Variants in RTEL1 observed in about 807,000 individuals in gnomAD.
RTEL1 encodes regulator of telomere length.
In RTEL1, 86 loss-of-function variants were observed where a neutral mutation model predicts 162.2. The observed-to-expected ratio is 0.53, with a 90% CI of 0.45 to 0.63. RTEL1 has a LOEUF of 0.63. Ranked by LOEUF, RTEL1 falls within the 30% of genes least tolerant of loss-of-function variation. RTEL1 has a pLI of 0.00. For synonymous variants in RTEL1, 958 were observed against 717.9 expected, an observed-to-expected ratio of 1.33 and a Z score of -5.35; for missense variants, 1,941 against 1,750.2, an observed-to-expected ratio of 1.11 and a Z score of -1.95.
chr20:63,669,027 A>C (rs1362568339), intron 8 of RTEL1, among the ~76,000 whole-genome samples: 2 of 151,892 alleles, frequency 1.3e-5, no homozygotes, highest in African/African-American at 4.8e-5. Flanking sequence ...TCTGTCACCC[A>C]GGTTGGAGTG....
In RTEL1 at chr20:63,695,802, C is replaced by T. The variant is rs1555814886; in HGVS notation, c.3847C>T (p.His1283Tyr). ...GGCCTCTAGGATGTGCCCAGCCTGC[C>T]ACACCGCCTCCAGGAAGCAGAGCGT... ...LQASRMCPACHTASRKQSVMQ... is the reference protein window; with the variant it reads ...LQASRMCPACYTASRKQSVMQ... The change falls in exon 35 of 35, where the codon CAC (histidine) becomes TAC (tyrosine). Residue 1283 changes from histidine to tyrosine, a missense_variant. His to Tyr is a moderately conservative substitution (Grantham distance 83). Transcript: ENST00000360203. The T allele has an allele frequency of 6.3e-7, 1 of 1,599,136 alleles. No individual in the cohort carries two copies. Among genetic ancestry groups the T allele is most frequent in the Middle Eastern group, 1.8e-4 (1 of 5,530 alleles).
At position 63,690,900 on chromosome 20, in the gene RTEL1, G is replaced by T; in HGVS notation, c.2509G>T (p.Ala837Ser). The T allele has an allele frequency of 2.5e-6, 4 of 1,581,206 alleles. No individual in the cohort carries two copies. Among genetic ancestry groups the T allele is most frequent in the Non-Finnish European group, 2.6e-6 (3 of 1,164,326 alleles). Residue 837 changes from alanine (A) to serine (S), a missense_variant, in exon 27 of 35, where the codon GCC becomes TCC. Ala to Ser is a moderately conservative substitution (Grantham distance 99). Coordinates refer to ENST00000360203, the MANE Select transcript of RTEL1 (RefSeq NM_001283009.2). ...GCAGAGGCCCAGGGGGCTGCTGGCC[G>T]CCCTGGAGCACAGCGAACAGCGGGC... Reference protein sequence around the residue: ...ARQRPRGLLAALEHSEQRAGS... With the variant: ...ARQRPRGLLASLEHSEQRAGS...
At chr20:63,693,345 C>T (rs1222786582) in intron 30 of RTEL1, 62 bp downstream of exon 30, 5 of 1,592,694 alleles carry the variant, frequency 3.1e-6, no homozygotes, top group Middle Eastern at 1.8e-4. Context: ...GGGCCAGAGT[C>T]CTGGGCTGCT....
At chr20:63,680,455 C>T (rs1180524769) in intron 13 of RTEL1, among the ~76,000 whole-genome samples, 7 of 152,236 alleles carry the variant, frequency 4.6e-5, no homozygotes, top group Non-Finnish European at 1.0e-4. Flanking sequence ...CTTGGAGACT[C>T]TGTCCCTGCC....
At chr20:63,672,985 A>G (rs2090276416) in intron 9 of RTEL1, among the ~76,000 whole-genome samples, 1 of 152,228 alleles carries the variant, frequency 6.6e-6, no homozygotes, top group African/African-American at 2.4e-5. Context: ...TTCCGGCCAC[A>G]TGGCTTGAGA....
At chr20:63,695,006 G>A in intron 32 of RTEL1, 32 bp downstream of exon 32, 1 of 1,610,686 alleles carries the variant, frequency 6.2e-7, no homozygotes, top group Non-Finnish European at 8.5e-7. Flanking sequence ...AACAGCCGGT[G>A]GGGTGGGGGG....
chr20:63,682,956 A>G (rs1029623635), intron 14 of RTEL1, among the ~76,000 whole-genome samples: 2 of 152,000 alleles, frequency 1.3e-5, no homozygotes, highest in African/African-American at 4.8e-5. Flanking sequence ...GCTGAGGCAC[A>G]GGGGGATTTG....
At chr20:63,680,604 G>A in intron 13 of RTEL1, 60 bp from the exon 14 acceptor site, 1 of 1,581,046 alleles carries the variant, frequency 6.3e-7, no homozygotes, top group South Asian at 1.1e-5. Context: ...GAAGGGCCGG[G>A]GCTGGGGTCG....
intron 31 of RTEL1, 116 bp from the exon 32 acceptor site, chr20:63,694,625 C>G (rs1010099297): frequency 2.0e-5 from 24 of 1,219,336 alleles, no homozygotes; most frequent in Non-Finnish European, 2.7e-5. Flanking sequence ...CGGTTCTGCA[C>G]CCCGCAGTTG....
chr20:63,690,437 C>G lies in RTEL1; in HGVS notation c.2409C>G (p.Ser803=), dbSNP rs764351692. The G allele has an allele frequency of 4.4e-6, 7 of 1,582,902 alleles. No individual in the cohort carries two copies. Among genetic ancestry groups the G allele is most frequent in the Admixed American group, 1.7e-5 (1 of 57,166 alleles). The change falls in exon 26 of 35, where the codon TCC becomes TCG. Residue 803 remains serine (S), a synonymous_variant. Coordinates refer to ENST00000360203, the MANE Select transcript of RTEL1 (RefSeq NM_001283009.2). The part of the protein sequence containing the change: ...DLHVPSLKQR[S]SGSPAAGDPE... ...ATGTCCCCAGCCTGAAGCAGAGGTC[C>G]TCAGGTGCGGACGGGCAGCGCTGGG...
chr20:63,662,905 T>C lies in RTEL1; in HGVS notation c.538+16T>C. 1 of 1,613,200 alleles carries C rather than the reference T, an allele frequency of 6.2e-7. No individual in the cohort carries two copies. On this transcript the variant is annotated intron_variant, in intron 6 of 34. Transcript: ENST00000360203. Reference sequence around the variant, plus strand: ...AACGTAGAAGGTACAAGCAGCTGGGTGGGACCAGGGTCGGGTTGGAGTGTG... The same window carrying C: ...AACGTAGAAGGTACAAGCAGCTGGGCGGGACCAGGGTCGGGTTGGAGTGTG...
At chr20:63,679,070 C>T (rs1370927713) in intron 12 of RTEL1, among the ~76,000 whole-genome samples, 2 of 152,178 alleles carry the variant, frequency 1.3e-5, no homozygotes, top group African/African-American at 2.4e-5. Context: ...CCAGCCACCA[C>T]CTCTTTTGGA....
At chr20:63,694,210 C>T (rs1433874559) in intron 30 of RTEL1, 162 bp from the exon 31 acceptor site, 1 of 650,874 alleles carries the variant, frequency 1.5e-6, no homozygotes, top group African/African-American at 1.8e-5. Context: ...AGGCTGGTGT[C>T]TCCTCTGATG....
intron 28 of RTEL1, chr20:63,692,253 C>T (rs190800731): frequency 2.8e-4 from 62 of 223,588 alleles, no homozygotes; most frequent in Admixed American, 1.4e-3. Flanking sequence ...TGTCCCTTGG[C>T]TTCTGGGAAG....
chr20:63,685,476 G>A (rs770883322), intron 14 of RTEL1, 47 bp from the exon 15 acceptor site: 10 of 1,587,764 alleles, frequency 6.3e-6, no homozygotes, highest in South Asian at 2.3e-5. Context: ...GCAGAAAGTC[G>A]GGTGGCCTCA....
intron 8 of RTEL1, among the ~76,000 whole-genome samples, chr20:63,671,422 G>A (rs1217635229): frequency 6.6e-6 from 1 of 152,110 alleles, no homozygotes. Flanking sequence ...GGTGGGGCTG[G>A]TGGTTATATG....
Position 63,672,565 on chromosome 20 carries a change from G to C in RTEL1, c.709G>C (p.Ala237Pro). 6.3e-7 allele frequency: 1 copy of C among 1,582,148 alleles called. No homozygotes were observed. The highest frequency in any genetic ancestry group is 8.6e-7 in the Non-Finnish European group (1 of 1,161,922). ...NYLLDAKSRR[A>P]HNIDLKGTVV... Reference sequence around the variant, plus strand: ...TCTCTTCCTCCTGTAGAGCCGCAGAGCACACAACATTGACCTGAAGGGGAC... The same window carrying C: ...TCTCTTCCTCCTGTAGAGCCGCAGACCACACAACATTGACCTGAAGGGGAC... Residue 237 changes from alanine to proline, a missense_variant, in exon 9 of 35, where the codon GCA becomes CCA. By Grantham distance (27) the Ala-to-Pro change is conservative. Transcript: ENST00000360203.
intron 31 of RTEL1, 118 bp from the exon 32 acceptor site, chr20:63,694,623 C>CA: frequency 8.2e-7 from 1 of 1,215,674 alleles, no homozygotes; most frequent in Non-Finnish European, 1.1e-6. Context: ...CCCGGTTCTG[C>CA]ACCCCGCAGT....
At position 63,659,305 on chromosome 20, in the gene RTEL1, G is replaced by A; in HGVS notation, c.-98G>A. The A allele has an allele frequency of 2.5e-6, 2 of 786,296 alleles. No individual in the cohort carries two copies. Among genetic ancestry groups the A allele is most frequent in the Non-Finnish European group, 4.5e-6 (2 of 443,040 alleles). 48.7% of individuals were successfully genotyped at this position (786,296 alleles called of 1,614,324 possible). A position where few individuals can be genotyped will look rare whatever the true frequency, so the allele number is the denominator to read the frequency against. On this transcript the variant is annotated 5_prime_UTR_variant, in exon 2 of 35. In the 5' UTR this introduces an upstream ATG that the reference lacks. Coordinates refer to ENST00000360203, the MANE Select transcript of RTEL1 (RefSeq NM_001283009.2). ...CACATGCTCGCATCGCTTACCAGGAGTGCCCGAGACCCTAAGATGTTCGGA... is the reference window on the plus strand; with the variant it reads ...CACATGCTCGCATCGCTTACCAGGAATGCCCGAGACCCTAAGATGTTCGGA...
Sources: gnomAD v4.1 joint callset for allele counts (sites outside exome capture counted in the v4.1 genomes callset) on GRCh38, gnomAD v4.1.1 for gene constraint, MANE v1.5 for transcripts, NCBI Gene and HGNC (gene_info 2026-07-23, HGNC 2026-07-21) for gene names.